STAU2: variants seen among roughly 807,000 people sequenced by gnomAD.
The protein encoded by STAU2 is double-stranded RNA-binding protein Staufen homolog 2.
In STAU2, 20 loss-of-function variants were observed where a neutral mutation model predicts 65.9. That is an observed-to-expected ratio of 0.30 (90% CI 0.21 to 0.44). STAU2 has a LOEUF of 0.44. STAU2 is among the 20% of genes least tolerant of loss of function. STAU2 has a pLI of 1.00. For missense variants in STAU2, 558 were observed against 683.9 expected, an observed-to-expected ratio of 0.82 and a Z score of 2.05; for synonymous variants, 232 against 233.9, an observed-to-expected ratio of 0.99 and a Z score of 0.07.
intron 13 of STAU2, among the ~76,000 whole-genome samples, chr8:73,453,469 C>A (rs947575787): frequency 1.3e-5 from 2 of 152,194 alleles, no homozygotes; most frequent in Non-Finnish European, 2.9e-5. Flanking sequence ...GTAATCCTAT[C>A]ATTTACACTC....
At chr8:73,588,395 A>G (rs1810529290) in intron 11 of STAU2, among the ~76,000 whole-genome samples, 2 of 152,262 alleles carry the variant, frequency 1.3e-5, no homozygotes, top group Non-Finnish European at 2.9e-5. Context: ...TGGGAGCTCC[A>G]GACAGCAGCT....
chr8:73,584,698 G>A (rs117377509), intron 11 of STAU2, among the ~76,000 whole-genome samples: 312 of 152,216 alleles, frequency 2.0e-3, no homozygotes, highest in Non-Finnish European at 3.2e-3. Flanking sequence ...GTAAAACTGT[G>A]CCATCTAAGA....
At chr8:73,550,346 A>G in intron 13 of STAU2, 1 of 983,696 alleles carries the variant, frequency 1.0e-6, no homozygotes. Context: ...AATTATAATT[A>G]TTGTCATTGC....
At chr8:73,473,665 G>A (rs1001555351) in intron 13 of STAU2, among the ~76,000 whole-genome samples, 5 of 152,182 alleles carry the variant, frequency 3.3e-5, no homozygotes, top group African/African-American at 1.2e-4. Flanking sequence ...AACGGCCAGA[G>A]GCTTGGATTT....
Position 73,437,027 on chromosome 8 carries a change from C to T in STAU2, c.1531-14325G>A, listed in dbSNP as rs61197209. Among the ~76,000 whole-genome samples the T allele has an allele frequency of 7.2e-3, 1,091 of 152,258 alleles. 15 individuals carry two copies. Among genetic ancestry groups the T allele is most frequent in the African/African-American group, 0.025 (1,030 of 41,542 alleles). On this transcript the variant is annotated intron_variant, in intron 13 of 14. Transcript: ENST00000524300. ...CCTTTATATCATCTAAATTCCTATG[C>T]GAACATTTCCTTGATAGTCTCAACA...
intron 3 of STAU2, 58 bp downstream of exon 3, chr8:73,738,226 C>A: frequency 1.4e-6 from 2 of 1,444,746 alleles, no homozygotes; most frequent in South Asian, 1.2e-5. Flanking sequence ...TTAAAATGTT[C>A]CACAATTTAC....
intron 3 of STAU2, among the ~76,000 whole-genome samples, chr8:73,731,219 A>G (rs889239092): frequency 1.3e-5 from 2 of 152,180 alleles, no homozygotes; most frequent in African/African-American, 2.4e-5. Context: ...AACCCTCTGG[A>G]GATCTCCAAA....
chr8:73,629,432 C>T (rs772802507), intron 6 of STAU2, among the ~76,000 whole-genome samples: 5 of 152,162 alleles, frequency 3.3e-5, no homozygotes, highest in Non-Finnish European at 7.4e-5. Flanking sequence ...CTCTCACCTG[C>T]GATAAGAATT....
intron 4 of STAU2, among the ~76,000 whole-genome samples, chr8:73,706,166 G>A (rs931566511): frequency 6.6e-6 from 1 of 151,946 alleles, no homozygotes; most frequent in African/African-American, 2.4e-5. Context: ...GCCCAAACTG[G>A]AGTGCAGTGG....
At chr8:73,706,833 A>AC (rs1820535202) in intron 4 of STAU2, among the ~76,000 whole-genome samples, 1 of 152,152 alleles carries the variant, frequency 6.6e-6, no homozygotes, top group Admixed American at 6.5e-5. Context: ...ATCACAACCA[A>AC]CCTGTTTAGC....
intron 13 of STAU2, among the ~76,000 whole-genome samples, chr8:73,540,257 A>G (rs1240107367): frequency 6.6e-6 from 1 of 152,226 alleles, no homozygotes; most frequent in Non-Finnish European, 1.5e-5. Flanking sequence ...AGCAAAGAAG[A>G]ATACACATAC....
At chr8:73,561,566 G>C (rs751593438) in intron 12 of STAU2, 1 of 454,544 alleles carries the variant, frequency 2.2e-6, no homozygotes, top group African/African-American at 2.0e-5. Flanking sequence ...CCAAAAAATG[G>C]ATTATATAAG....
chr8:73,548,518 A>C lies in STAU2; in HGVS notation c.1530+3494T>G, dbSNP rs544723562. Reference sequence around the variant, plus strand: ...CATATTAAACTCCACAAAAGGAGGCATATGAGTTGAAATGTATTCAGCGTG... The same window carrying C: ...CATATTAAACTCCACAAAAGGAGGCCTATGAGTTGAAATGTATTCAGCGTG... On this transcript the variant is annotated intron_variant, in intron 13 of 14. Transcript: ENST00000524300. Among the ~76,000 whole-genome samples, 17 of 152,322 alleles carry C rather than the reference A, an allele frequency of 1.1e-4. No homozygotes were observed. In the East Asian group the frequency reaches 3.3e-3, roughly 29 times the overall value.
intron 10 of STAU2, among the ~76,000 whole-genome samples, chr8:73,598,207 A>C (rs550417782): frequency 6.6e-6 from 1 of 152,134 alleles, no homozygotes; most frequent in African/African-American, 2.4e-5. Context: ...ATTATTAGCA[A>C]ACTAGGAAAA....
At chr8:73,449,935 A>G (rs980832441) in intron 13 of STAU2, among the ~76,000 whole-genome samples, 2 of 152,150 alleles carry the variant, frequency 1.3e-5, no homozygotes, top group African/African-American at 4.8e-5. Context: ...CTCAGAAGGG[A>G]GCAGCACTTC....
chr8:73,603,432 C>A (rs958634743), intron 10 of STAU2, among the ~76,000 whole-genome samples: 1 of 152,126 alleles, frequency 6.6e-6, no homozygotes, highest in African/African-American at 2.4e-5. Context: ...TAACAGACTC[C>A]GGCTACAAAA....
intron 12 of STAU2, among the ~76,000 whole-genome samples, chr8:73,574,108 C>T (rs1198290348): frequency 1.3e-5 from 2 of 152,142 alleles, no homozygotes; most frequent in African/African-American, 2.4e-5. Flanking sequence ...TATGAACAGA[C>T]ACTTCTCAAA....
chr8:73,584,904 G>A (rs1479393104), intron 11 of STAU2, among the ~76,000 whole-genome samples: 1 of 152,138 alleles, frequency 6.6e-6, no homozygotes, highest in African/African-American at 2.4e-5. Context: ...AAAACCTGGT[G>A]AACAGAAAGA....
At chr8:73,676,991 T>C (rs1220765120) in intron 5 of STAU2, among the ~76,000 whole-genome samples, 1 of 152,184 alleles carries the variant, frequency 6.6e-6, no homozygotes, top group Non-Finnish European at 1.5e-5. Context: ...GAATCCAGAA[T>C]ATGTAAGAAC....
Sources: allele counts gnomAD v4.1 joint callset (sites outside exome capture counted in the v4.1 genomes callset), GRCh38; gene constraint gnomAD v4.1.1; transcripts MANE v1.5; gene names NCBI Gene and HGNC (gene_info 2026-07-23, HGNC 2026-07-21).